ATP2B2: variants seen among roughly 807,000 people sequenced by gnomAD.
ATP2B2 encodes plasma membrane calcium-transporting ATPase 2.
In ATP2B2, 15 loss-of-function variants were observed where a neutral mutation model predicts 120.0. The observed-to-expected ratio is 0.12, with a 90% confidence interval of 0.08 to 0.19. The LOEUF (loss-of-function observed/expected upper bound fraction) is 0.19, where lower values mean the gene tolerates loss of function less well. Ranked by LOEUF, ATP2B2 falls within the 10% of genes least tolerant of loss-of-function variation. The pLI is 1.00. For synonymous variants in ATP2B2, 694 were observed against 700.3 expected (o/e 0.99, Z 0.14); for missense variants, 1,045 against 1,719.8 (o/e 0.61, Z 6.94).
chr3:10,655,850 TA>T (rs1451285258), intron 1 of ATP2B2, among the ~76,000 whole-genome samples: 2 of 152,226 alleles, frequency 1.3e-5, no homozygotes, highest in Admixed American at 1.3e-4. Context: ...AACCTGATTT[TA>T]AAAATCTACC....
chr3:10,562,067 G>A (rs561670149), intron 2 of ATP2B2, among the ~76,000 whole-genome samples: 73 of 152,302 alleles, frequency 4.8e-4, no homozygotes, highest in African/African-American at 1.6e-3. Context: ...ACAAGACAAC[G>A]TTCCTGCTCT....
intron 1 of ATP2B2, among the ~76,000 whole-genome samples, chr3:10,659,351 T>A (rs188279143): frequency 6.6e-6 from 1 of 152,164 alleles, no homozygotes; most frequent in Admixed American, 6.5e-5. Flanking sequence ...AGGAAACCCA[T>A]CTCATGTGCA....
At chr3:10,489,148 G>T (rs2065841850) in intron 1 of ATP2B2, among the ~76,000 whole-genome samples, 1 of 152,238 alleles carries the variant, frequency 6.6e-6, no homozygotes, top group African/African-American at 2.4e-5. Flanking sequence ...GGCTCCCTCA[G>T]GTCTCTGCTG....
At chr3:10,694,081 A>G (rs556893242) in intron 1 of ATP2B2, among the ~76,000 whole-genome samples, 54 of 152,382 alleles carry the variant, frequency 3.5e-4, no homozygotes, top group Non-Finnish European at 6.3e-4. Context: ...TAACATTTGC[A>G]TAAATAAAGT....
chr3:10,646,431 A>G (rs2070322630), intron 1 of ATP2B2, among the ~76,000 whole-genome samples: 1 of 151,930 alleles, frequency 6.6e-6, no homozygotes, highest in East Asian at 1.9e-4. Context: ...TGCTTGGGAG[A>G]CCATTAAGAC....
intron 1 of ATP2B2, among the ~76,000 whole-genome samples, chr3:10,465,640 A>G (rs2064703983): frequency 6.6e-6 from 1 of 152,200 alleles, no homozygotes. Flanking sequence ...CCAGCCCACC[A>G]TACTTACTCC....
At chr3:10,603,303 C>T (rs1225554740) in intron 2 of ATP2B2, among the ~76,000 whole-genome samples, 1 of 152,240 alleles carries the variant, frequency 6.6e-6, no homozygotes, top group Non-Finnish European at 1.5e-5. Flanking sequence ...ATGCTCGATA[C>T]ACGTCAGTTC....
At chr3:10,432,563 G>A (rs1300083857) in intron 2 of ATP2B2, among the ~76,000 whole-genome samples, 1 of 152,230 alleles carries the variant, frequency 6.6e-6, no homozygotes, top group Non-Finnish European at 1.5e-5. Context: ...AAACCCCAGC[G>A]CTCACTTGCT....
chr3:10,478,184 TGTCAA>T (rs1489422785), intron 1 of ATP2B2, among the ~76,000 whole-genome samples: 1 of 152,238 alleles, frequency 6.6e-6, no homozygotes, highest in Non-Finnish European at 1.5e-5. Flanking sequence ...TTTTCAGAAA[TGTCAA>T]GTCAAGTCCT....
At chr3:10,520,945 G>C (rs964252895) in intron 3 of ATP2B2, among the ~76,000 whole-genome samples, 1 of 152,154 alleles carries the variant, frequency 6.6e-6, no homozygotes, top group African/African-American at 2.4e-5. Flanking sequence ...ATGTGGCTGT[G>C]GCAATCCTCC....
intron 2 of ATP2B2, among the ~76,000 whole-genome samples, chr3:10,604,923 C>CAAG (rs2125597170): frequency 6.6e-6 from 1 of 152,324 alleles, no homozygotes; most frequent in South Asian, 2.1e-4. Flanking sequence ...GTGCATTCAA[C>CAAG]TGTTCTTGTT....
At chr3:10,499,510 G>C (rs531365024) in intron 1 of ATP2B2, among the ~76,000 whole-genome samples, 1 of 152,216 alleles carries the variant, frequency 6.6e-6, no homozygotes, top group African/African-American at 2.4e-5. Flanking sequence ...ACATTTTAGC[G>C]ATTAGTACTA....
intron 5 of ATP2B2, among the ~76,000 whole-genome samples, chr3:10,391,580 G>T (rs2061851270): frequency 6.6e-6 from 1 of 152,218 alleles, no homozygotes; most frequent in African/African-American, 2.4e-5. Context: ...GAGGCAGGGA[G>T]GTGGCAGGAG....
chr3:10,370,143 G>T (rs1473183), intron 12 of ATP2B2, among the ~76,000 whole-genome samples: 1 of 152,122 alleles, frequency 6.6e-6, no homozygotes, highest in Non-Finnish European at 1.5e-5. Flanking sequence ...CTTTGCCTCC[G>T]GTGCTAAAAA....
At chr3:10,349,544 G>T (rs1382959967) in intron 16 of ATP2B2, among the ~76,000 whole-genome samples, 1 of 152,062 alleles carries the variant, frequency 6.6e-6, no homozygotes, top group Non-Finnish European at 1.5e-5. Context: ...CTGGAGGGAG[G>T]AGCAAGACTT....
At chr3:10,338,423 AC>A in intron 21 of ATP2B2, 65 bp from the exon 22 acceptor site, 1 of 1,572,252 alleles carries the variant, frequency 6.4e-7, no homozygotes, top group South Asian at 1.1e-5. Flanking sequence ...TCTCCCTGAC[AC>A]CCGCTCCTCT....
intron 2 of ATP2B2, among the ~76,000 whole-genome samples, chr3:10,566,727 G>T (rs1184041137): frequency 2.6e-5 from 4 of 152,288 alleles, no homozygotes; most frequent in Non-Finnish European, 4.4e-5. Context: ...ACACAGACAG[G>T]GTGGCTGTAA....
intron 2 of ATP2B2, among the ~76,000 whole-genome samples, chr3:10,445,141 T>C (rs2063795753): frequency 6.6e-6 from 1 of 152,230 alleles, no homozygotes; most frequent in Admixed American, 6.5e-5. Context: ...CACTAGAGTA[T>C]AATAACAATG....
chr3:10,439,803 G>T, intron 2 of ATP2B2, among the ~76,000 whole-genome samples: 1 of 151,994 alleles, frequency 6.6e-6, no homozygotes, highest in East Asian at 1.9e-4. Flanking sequence ...TTCGCTTAAG[G>T]CCAGGAGTTC....
Sources: allele counts gnomAD v4.1 joint callset (sites outside exome capture counted in the v4.1 genomes callset), GRCh38; gene constraint gnomAD v4.1.1; transcripts MANE v1.5; gene names NCBI Gene and HGNC (gene_info 2026-07-23, HGNC 2026-07-21).